Variants in SH3BGRL2 observed in about 807,000 individuals in gnomAD.
SH3BGRL2 encodes SH3 domain binding glutamate rich protein like 2.
SH3BGRL2 carries 21 observed loss-of-function variants against 14.8 expected under a neutral mutation model. The observed-to-expected ratio is 1.42, with a 90% CI of 1.01 to 2.05. SH3BGRL2 has a LOEUF of 2.05. SH3BGRL2 is among the 30% of genes most tolerant of loss of function. The probability of loss-of-function intolerance (pLI) is 0.00; values close to 1 mark genes in which losing one functional copy is unlikely to be tolerated. For missense variants in SH3BGRL2, 147 were observed against 130.8 expected, an observed-to-expected ratio of 1.12 and a Z score of -0.61; for synonymous variants, 50 against 47.8, an observed-to-expected ratio of 1.05 and a Z score of -0.19.
intron 3 of SH3BGRL2, 124 bp downstream of exon 3, chr6:79,696,689 T>A: frequency 1.6e-6 from 1 of 641,188 alleles, no homozygotes; most frequent in Non-Finnish European, 2.5e-6. Context: ...TTTTGCTTCC[T>A]CTGATGCATA....
At chr6:79,617,181 G>A in the SH3BGRL2 span, among the ~76,000 whole-genome samples, 68 of 138,814 alleles carry the variant, frequency 4.9e-4, no homozygotes, top group South Asian at 1.0e-3. Flanking sequence ...GCAAAACTCC[G>A]TCTCAAAACA....
At chr6:79,584,791 T>G in the SH3BGRL2 span, among the ~76,000 whole-genome samples, 3 of 152,128 alleles carry the variant, frequency 2.0e-5, no homozygotes, top group African/African-American at 7.2e-5. Context: ...TGTGGGGAAA[T>G]GGATACTCTT....
the SH3BGRL2 span, among the ~76,000 whole-genome samples, chr6:79,544,812 G>T: frequency 1.6e-4 from 24 of 152,094 alleles, no homozygotes; most frequent in African/African-American, 4.6e-4. Context: ...TCTTTAAGTT[G>T]TTATTTGGAG....
At chr6:79,630,572 G>T (rs1026112853), upstream of SH3BGRL2, among the ~76,000 whole-genome samples, 6 of 152,178 alleles carry the variant, frequency 3.9e-5, no homozygotes, top group African/African-American at 1.4e-4. Context: ...AGATTTGGCT[G>T]AACTGTAAAT....
chr6:79,552,449 G>A, the SH3BGRL2 span, among the ~76,000 whole-genome samples: 3 of 152,112 alleles, frequency 2.0e-5, no homozygotes, highest in African/African-American at 7.2e-5. Flanking sequence ...GGATCTTATT[G>A]CCAACAAGAT....
rs534776917 is a variant in SH3BGRL2, at chr6:79,651,697, C to T, written c.45+20191C>T. Reference sequence around the variant, plus strand: ...GATGTGATGTGCACATTGTCTTCATCCTCCAGAGAGGTTGATGGTTGTCAG... The same window carrying T: ...GATGTGATGTGCACATTGTCTTCATTCTCCAGAGAGGTTGATGGTTGTCAG... On this transcript the variant is annotated intron_variant, in intron 1 of 3. Coordinates refer to ENST00000369838, the MANE Select transcript of SH3BGRL2 (RefSeq NM_031469.4). Among the ~76,000 whole-genome samples the T allele has an allele frequency of 6.6e-5, 10 of 152,202 alleles. No individual in the cohort carries two copies. The South Asian group carries it at 2.1e-3, about 32-fold the overall frequency.
chr6:79,650,913 A>G (rs928874481), intron 1 of SH3BGRL2, among the ~76,000 whole-genome samples: 18 of 148,844 alleles, frequency 1.2e-4, no homozygotes, highest in African/African-American at 4.9e-5. Flanking sequence ...TATAAGTAAT[A>G]TATAAATAAT....
At chr6:79,649,979 T>TCACA (rs1420601382) in intron 1 of SH3BGRL2, among the ~76,000 whole-genome samples, 4 of 94,286 alleles carry the variant, frequency 4.2e-5, no homozygotes, top group Non-Finnish European at 9.3e-5. Flanking sequence ...TCTCTCTCTC[T>TCACA]CTCTCTCACA....
intron 2 of SH3BGRL2, among the ~76,000 whole-genome samples, chr6:79,679,638 G>T (rs1218904424): frequency 6.6e-6 from 1 of 151,890 alleles, no homozygotes; most frequent in Non-Finnish European, 1.5e-5. Context: ...TTTTAATTTT[G>T]GGGGGAACAG....
intron 1 of SH3BGRL2, among the ~76,000 whole-genome samples, chr6:79,643,610 AG>A (rs1181849179): frequency 4.6e-5 from 7 of 152,240 alleles, no homozygotes; most frequent in African/African-American, 1.7e-4. Context: ...AGGCAGTACT[AG>A]GGGGCTTGCA....
chr6:79,557,083 A>G, the SH3BGRL2 span, among the ~76,000 whole-genome samples: 12 of 151,894 alleles, frequency 7.9e-5, no homozygotes, highest in Non-Finnish European at 1.8e-4. Flanking sequence ...TACGTGAAAA[A>G]ACATACAAGA....
the SH3BGRL2 span, among the ~76,000 whole-genome samples, chr6:79,572,762 G>T: frequency 2.6e-5 from 4 of 152,140 alleles, no homozygotes; most frequent in Non-Finnish European, 5.9e-5. Flanking sequence ...ACTGCGCCTG[G>T]CCTATTTTTA....
chr6:79,605,370 T>C, the SH3BGRL2 span, among the ~76,000 whole-genome samples: 1 of 152,178 alleles, frequency 6.6e-6, no homozygotes, highest in Non-Finnish European at 1.5e-5. Context: ...GGAAAAAAAA[T>C]TATTGAACTA....
the SH3BGRL2 span, among the ~76,000 whole-genome samples, chr6:79,558,861 T>C: frequency 6.6e-6 from 1 of 151,890 alleles, no homozygotes; most frequent in Non-Finnish European, 1.5e-5. Flanking sequence ...AGGCACAAAA[T>C]GAACCTGAAA....
chr6:79,551,964 A>C, the SH3BGRL2 span, among the ~76,000 whole-genome samples: 1 of 152,136 alleles, frequency 6.6e-6, no homozygotes, highest in South Asian at 2.1e-4. Flanking sequence ...GGTGGTGGGC[A>C]CCTGTATTCT....
upstream of SH3BGRL2, among the ~76,000 whole-genome samples, chr6:79,627,629 T>C (rs1415972055): frequency 1.3e-5 from 2 of 152,198 alleles, no homozygotes; most frequent in Non-Finnish European, 2.9e-5. Flanking sequence ...AAACTTAAAA[T>C]TCTTCTCTTG....
chr6:79,575,713 T>G, the SH3BGRL2 span, among the ~76,000 whole-genome samples: 1 of 152,124 alleles, frequency 6.6e-6, no homozygotes, highest in Non-Finnish European at 1.5e-5. Flanking sequence ...TGTTATATCC[T>G]TTTCCATTTT....
intron 2 of SH3BGRL2, among the ~76,000 whole-genome samples, chr6:79,678,702 T>A (rs961485208): frequency 2.6e-5 from 4 of 152,200 alleles, no homozygotes; most frequent in Non-Finnish European, 5.9e-5. Context: ...GCAGGTGTAT[T>A]ACATGGGTAT....
the SH3BGRL2 span, among the ~76,000 whole-genome samples, chr6:79,551,265 A>T: frequency 6.6e-6 from 1 of 152,052 alleles, no homozygotes; most frequent in Non-Finnish European, 1.5e-5. Context: ...ATAAAACCTC[A>T]CTCCCAAATT....
Sources: allele counts gnomAD v4.1 joint callset (sites outside exome capture counted in the v4.1 genomes callset), GRCh38; gene constraint gnomAD v4.1.1; transcripts MANE v1.5; gene names NCBI Gene and HGNC (gene_info 2026-07-23, HGNC 2026-07-21).